MARCHF7: variants seen among roughly 807,000 people sequenced by gnomAD.
The protein encoded by MARCHF7 is E3 ubiquitin-protein ligase MARCHF7.
In MARCHF7, 20 loss-of-function variants were observed where a neutral mutation model predicts 76.5. The observed-to-expected ratio is 0.26, with a 90% confidence interval of 0.18 to 0.38. The LOEUF is 0.38. Among genes scored for constraint, MARCHF7 ranks in the 10% least tolerant of loss-of-function variants. MARCHF7 has a pLI of 1.00. For synonymous variants in MARCHF7, 295 were observed against 293.0 expected (o/e 1.01, Z -0.07); for missense variants, 797 against 812.9 (o/e 0.98, Z 0.24).
chr2:159,714,750 C>T (rs1272368321), intron 2 of MARCHF7, among the ~76,000 whole-genome samples, 152 bp downstream of exon 2: 1 of 152,054 alleles, frequency 6.6e-6, no homozygotes, highest in East Asian at 1.9e-4. Flanking sequence ...ACAAAGACCC[C>T]ATCTCTACGG....
At chr2:159,735,760 T>A (rs1703374307) in intron 4 of MARCHF7, among the ~76,000 whole-genome samples, 1 of 152,244 alleles carries the variant, frequency 6.6e-6, no homozygotes, top group South Asian at 2.1e-4. Flanking sequence ...ACCTTCTGAC[T>A]ATTATGAATA....
chr2:159,755,192 C>T (rs1706141701), intron 8 of MARCHF7, among the ~76,000 whole-genome samples: 2 of 152,030 alleles, frequency 1.3e-5, no homozygotes, highest in East Asian at 1.9e-4. Context: ...TTGACATTGA[C>T]GTAAGTAGGC....
intron 8 of MARCHF7, among the ~76,000 whole-genome samples, chr2:159,755,810 A>G (rs1469455282): frequency 6.6e-6 from 1 of 152,196 alleles, no homozygotes; most frequent in Non-Finnish European, 1.5e-5. Context: ...ACTGATTTTG[A>G]TTTTCATAAT....
intron 11 of MARCHF7, among the ~76,000 whole-genome samples, chr2:159,765,187 T>TTGG (rs1227000520): frequency 1.3e-5 from 2 of 148,454 alleles, no homozygotes; most frequent in Admixed American, 6.7e-5. Context: ...TTTTTTGTTG[T>TTGG]TGGTGGTGGT....
intron 8 of MARCHF7, 62 bp downstream of exon 8, chr2:159,752,633 G>T (rs994891693): frequency 3.0e-6 from 4 of 1,319,134 alleles, no homozygotes; most frequent in South Asian, 2.1e-5. Flanking sequence ...GTATGCGTTT[G>T]GTTAACAAAT....
rs80210415 is a variant in MARCHF7 at position 159,743,285 on chromosome 2, C to T, written c.346+32C>T. 9,572 of 1,580,740 alleles carry T rather than the reference C, an allele frequency of 6.1e-3. 71 individuals carry two copies. The highest frequency in any genetic ancestry group is 0.032 in the Admixed American group (1,821 of 57,558). On this transcript the variant is annotated intron_variant, in intron 5 of 11. Transcript: ENST00000409175. ...ATGAGTTTCTGTAGGTATTTTAAGC[C>T]GTTTTTCTCCAGGTGTAACACAGTT...
At chr2:159,749,057 C>T (rs973281826) in intron 7 of MARCHF7, among the ~76,000 whole-genome samples, 154 bp downstream of exon 7, 4 of 144,836 alleles carry the variant, frequency 2.8e-5, no homozygotes, top group Non-Finnish European at 3.0e-5. Flanking sequence ...CGGCTCACTG[C>T]AGCCTCGGCC....
At position 159,767,482 on chromosome 2, in the gene MARCHF7, C is replaced by G; in HGVS notation, c.*140C>G. The G allele has an allele frequency of 1.8e-6, 1 of 546,520 alleles. No individual in the cohort carries two copies. The highest frequency in any genetic ancestry group is 3.5e-5 in the Admixed American group (1 of 28,272). 33.9% of individuals were successfully genotyped at this position (546,520 alleles called of 1,614,324 possible). A position where few individuals can be genotyped will look rare whatever the true frequency, so the allele number is the denominator to read the frequency against. On this transcript the variant is annotated 3_prime_UTR_variant, in exon 12 of 12. Coordinates refer to ENST00000409175, the MANE Select transcript of MARCHF7 (RefSeq NM_001282805.2). ...ATGAATATATACATACACATGTATG[C>G]CTGTATATATATATTCATTCTCCAG...
chr2:159,759,294 T>A lies in MARCHF7; in HGVS notation c.1852T>A (p.Phe618Ile). 1.2e-6 allele frequency: 2 copies of A among 1,612,280 alleles called. No individual in the cohort carries two copies. Among genetic ancestry groups the A allele is most frequent in the Non-Finnish European group, 1.7e-6 (2 of 1,178,694 alleles). ...GAAGTTGGAGCTTAACCTGGAGGAT[T>A]TTGATATTCATGAACTACATAGAGC... ...KEKLELNLED[F>I]DIHELHRAHA... The change falls in exon 9 of 12, where the codon TTT (phenylalanine) becomes ATT (isoleucine). Residue 618 changes from phenylalanine (F) to isoleucine (I), a missense_variant. Transcript: ENST00000409175.
chr2:159,732,095 C>G (rs993467335), intron 4 of MARCHF7, among the ~76,000 whole-genome samples: 5 of 151,880 alleles, frequency 3.3e-5, no homozygotes, highest in Admixed American at 3.3e-4. Flanking sequence ...CAGAGCGAGA[C>G]TCTGTCTCAA....
intron 3 of MARCHF7, among the ~76,000 whole-genome samples, chr2:159,724,646 C>T (rs997441385): frequency 6.6e-6 from 1 of 152,096 alleles, no homozygotes; most frequent in East Asian, 1.9e-4. Context: ...CTTTATAATG[C>T]TGTCTTTGTA....
In MARCHF7 at chr2:159,748,348, G is replaced by A. The variant is rs771933297; in HGVS notation, c.1058G>A (p.Arg353Gln). The A allele has an allele frequency of 1.7e-5, 27 of 1,613,536 alleles. No individual in the cohort carries two copies. The highest frequency in any genetic ancestry group is 5.3e-5 in the African/African-American group (4 of 74,888). Residue 353 changes from arginine (R) to glutamine (Q), a missense_variant, in exon 7 of 12, where the codon CGA becomes CAA. This residue lies in a region of MARCHF7 where 643 missense variants were observed against 631.5 expected (regional missense o/e 1.02). Transcript: ENST00000409175. Reference protein sequence around the residue: ...EASQGFRFLRRRWGLSSLSHN... With the variant: ...EASQGFRFLRQRWGLSSLSHN... ...TCTCAGGGATTTCGATTTCTTAGGC[G>A]AAGATGGGGTTTGTCATCTCTTAGC...
chr2:159,764,901 CT>C (rs141011239), intron 11 of MARCHF7, among the ~76,000 whole-genome samples: 7 of 146,732 alleles, frequency 4.8e-5, no homozygotes, highest in Admixed American at 6.8e-5. Context: ...CTGCATTTTA[CT>C]TTTTTTTTTC....
intron 9 of MARCHF7, 29 bp from the exon 10 acceptor site, chr2:159,762,851 C>G (rs1464638367): frequency 2.1e-6 from 3 of 1,401,512 alleles, no homozygotes; most frequent in South Asian, 1.2e-5. Context: ...CTGTATTTTT[C>G]TTTTCTCCTG....
intron 4 of MARCHF7, among the ~76,000 whole-genome samples, chr2:159,732,617 A>G (rs1276855333): frequency 2.0e-5 from 3 of 152,302 alleles, no homozygotes; most frequent in Non-Finnish European, 2.9e-5. Flanking sequence ...GGCACAAGCA[A>G]TCCTCCTGCC....
At chr2:159,728,454 G>A (rs912064156) in intron 3 of MARCHF7, among the ~76,000 whole-genome samples, 4 of 152,078 alleles carry the variant, frequency 2.6e-5, no homozygotes, top group Admixed American at 2.6e-4. Flanking sequence ...GTTGAGATGG[G>A]GAAATAGAAA....
chr2:159,758,967 A>G (rs1439447909), intron 8 of MARCHF7, among the ~76,000 whole-genome samples: 1 of 152,218 alleles, frequency 6.6e-6, no homozygotes, highest in Non-Finnish European at 1.5e-5. Flanking sequence ...ATGTATGAGT[A>G]TCTGGGAGGA....
chr2:159,751,173 G>T (rs1705601944), intron 7 of MARCHF7, among the ~76,000 whole-genome samples: 1 of 152,180 alleles, frequency 6.6e-6, no homozygotes, highest in Non-Finnish European at 1.5e-5. Flanking sequence ...AGCCCTTAAG[G>T]TTAGATTAAT....
At chr2:159,761,440 G>A (rs530806593) in intron 9 of MARCHF7, among the ~76,000 whole-genome samples, 1 of 84,788 alleles carries the variant, frequency 1.2e-5, no homozygotes, top group African/African-American at 4.2e-5. Context: ...TTGAGACGGA[G>A]TTTCACTCTT....
Sources: allele counts gnomAD v4.1 joint callset (sites outside exome capture counted in the v4.1 genomes callset), GRCh38; gene constraint gnomAD v4.1.1; regional missense constraint gnomAD v4.1.1; transcripts MANE v1.5; gene names NCBI Gene and HGNC (gene_info 2026-07-23, HGNC 2026-07-21).